MIS18BP1: variants seen among roughly 807,000 people sequenced by gnomAD.
MIS18BP1 encodes the protein mis18-binding protein 1.
Under a neutral mutation model 116.1 loss-of-function variants are expected in MIS18BP1, and 72 were observed. The ratio of observed to expected loss-of-function variants is 0.62; its 90% confidence interval spans 0.51 to 0.75. MIS18BP1 has a LOEUF of 0.75. MIS18BP1 is among the 30% of genes least tolerant of loss of function. The probability of loss-of-function intolerance (pLI) is 0.00; values close to 1 mark genes in which losing one functional copy is unlikely to be tolerated. For synonymous variants in MIS18BP1, 386 were observed against 427.0 expected (o/e 0.90, Z 1.18); for missense variants, 1,363 against 1,303.2 (o/e 1.05, Z -0.71).
At position 45,210,540 on chromosome 14, in the gene MIS18BP1, G is replaced by A. The variant is rs772452230; in HGVS notation, c.3004-12C>T. 3 of 1,613,412 alleles carry A rather than the reference G, an allele frequency of 1.9e-6. No homozygotes were observed. The highest frequency in any genetic ancestry group is 1.1e-5 in the South Asian group (1 of 90,998). On this transcript the variant is annotated splice_polypyrimidine_tract_variant and intron_variant, in intron 13 of 16. Transcript: ENST00000310806. ...TGGAAACTTGGCAACTAGAAAACAAGTATTTATTATCAGCAGGCACCCCAT... is the reference window on the plus strand; with the variant it reads ...TGGAAACTTGGCAACTAGAAAACAAATATTTATTATCAGCAGGCACCCCAT...
At chr14:45,233,590 A>G (rs1891346760) in intron 6 of MIS18BP1, among the ~76,000 whole-genome samples, 1 of 152,140 alleles carries the variant, frequency 6.6e-6, no homozygotes, top group Admixed American at 6.6e-5. Flanking sequence ...AATTATGAGG[A>G]AAGTCTGGAC....
chr14:45,205,624 AT>A lies in MIS18BP1; in HGVS notation c.3240+458del, dbSNP rs150547352. Among the ~76,000 whole-genome samples the A allele has an allele frequency of 4.4e-3, 669 of 152,330 alleles. 8 individuals carry two copies. Among genetic ancestry groups the A allele is most frequent in the African/African-American group, 0.015 (623 of 41,586 alleles). Reference sequence around the variant, plus strand: ...ATTTTAAATGTTAGAATGTAAAAAAATAAAAAGTAAAAAAATAAAATTAAGT... The same window carrying A: ...ATTTTAAATGTTAGAATGTAAAAAAAAAAAAGTAAAAAAATAAAATTAAGT... On this transcript the variant is annotated intron_variant, in intron 15 of 16. Coordinates refer to ENST00000310806, the MANE Select transcript of MIS18BP1 (RefSeq NM_018353.5).
At chr14:45,231,054 C>A in intron 8 of MIS18BP1, 87 bp downstream of exon 8, 1 of 1,390,178 alleles carries the variant, frequency 7.2e-7, no homozygotes, top group Non-Finnish European at 9.9e-7. Flanking sequence ...ATACACATTA[C>A]TACTATACAC....
intron 8 of MIS18BP1, among the ~76,000 whole-genome samples, chr14:45,228,743 C>A (rs1441143305): frequency 1.3e-5 from 2 of 152,102 alleles, no homozygotes; most frequent in Non-Finnish European, 2.9e-5. Context: ...ATGAAGGAAG[C>A]TTCTATTATG....
chr14:45,210,345 C>T, intron 14 of MIS18BP1, 35 bp downstream of exon 14: 2 of 1,598,764 alleles, frequency 1.3e-6, no homozygotes, highest in Non-Finnish European at 1.7e-6. Context: ...TACTCTGATG[C>T]AGAGAATTAA....
chr14:45,205,961 T>C, intron 15 of MIS18BP1, 122 bp downstream of exon 15: 1 of 600,392 alleles, frequency 1.7e-6, no homozygotes, highest in South Asian at 2.5e-5. Flanking sequence ...GCTTCATTAT[T>C]GTAACTTGTT....
intron 10 of MIS18BP1, among the ~76,000 whole-genome samples, chr14:45,225,386 A>AT (rs879808814): frequency 0.01 from 1,538 of 148,372 alleles, 26 homozygotes; most frequent in African/African-American, 0.034. Flanking sequence ...GTATGGTTTG[A>AT]TTTTTTTTTT....
intron 5 of MIS18BP1, 112 bp from the exon 6 acceptor site, chr14:45,236,056 T>C (rs1484931534): frequency 1.5e-5 from 15 of 991,270 alleles, no homozygotes; most frequent in Non-Finnish European, 2.2e-5. Flanking sequence ...TTAGTCTAAT[T>C]ACAAAATATT....
chr14:45,246,084 T>A (rs1256775649), intron 2 of MIS18BP1, among the ~76,000 whole-genome samples: 1 of 152,166 alleles, frequency 6.6e-6, no homozygotes, highest in African/African-American at 2.4e-5. Context: ...ACAGCCAGAG[T>A]GACATTTTAA....
Position 45,246,797 on chromosome 14 carries a change from A to G in MIS18BP1, c.490T>C (p.Cys164Arg), listed in dbSNP as rs1269008. 2,236 of 1,584,100 alleles carry G rather than the reference A, an allele frequency of 1.4e-3. 41 individuals carry two copies. The African/African-American group carries it at 0.026, about 18-fold the overall frequency. ...GATTTGTTGTTTTCCTTTTCTTCACATAGGTAGGTATGCTGCAATTTTTTT... is the reference window on the plus strand; with the variant it reads ...GATTTGTTGTTTTCCTTTTCTTCACGTAGGTAGGTATGCTGCAATTTTTTT... ...EKKKLQHTYL[C>R]EEKENNKSFQ... The change falls in exon 2 of 17, where the codon TGT becomes CGT. Residue 164 changes from cysteine (C) to arginine (R), a missense_variant. Cys to Arg is a radical substitution (Grantham distance 180, BLOSUM62 -3). Transcript: ENST00000310806.
At chr14:45,226,980 T>C (rs1467347667) in intron 9 of MIS18BP1, 144 bp from the exon 10 acceptor site, 2 of 584,402 alleles carry the variant, frequency 3.4e-6, no homozygotes, top group African/African-American at 1.9e-5. Flanking sequence ...ATTCCGAAAC[T>C]TACTTGCCAG....
rs1251624169 is a variant in MIS18BP1, at chr14:45,204,111, A to G, written c.3397T>C (p.Ter1133GlnextTer1). Residue 1133 changes from the stop codon to glutamine (Q), a stop_lost, in exon 17 of 17, where the codon TAG (stop) becomes CAG (glutamine). Coordinates refer to ENST00000310806, the MANE Select transcript of MIS18BP1 (RefSeq NM_018353.5). ...AGGAATCATATTTTCTCATTTTACT[A>G]TGCAGAATCAGAGTTCGAAAAATAA... ...DYYFSNSDSA[*>Q] 2 of 1,608,326 alleles carry G rather than the reference A, an allele frequency of 1.2e-6. No homozygotes were observed. The highest frequency in any genetic ancestry group is 2.7e-5 in the African/African-American group (2 of 74,578).
chr14:45,251,653 G>A (rs1296109526), intron 1 of MIS18BP1, among the ~76,000 whole-genome samples: 2 of 151,962 alleles, frequency 1.3e-5, no homozygotes, highest in African/African-American at 4.8e-5. Flanking sequence ...CAGCACATAT[G>A]ACAAAGGGCT....
In MIS18BP1 at chr14:45,247,203, T is replaced by C. The variant is rs535914828; in HGVS notation, c.84A>G (p.Ala28=). Residue 28 remains alanine, a synonymous_variant, in exon 2 of 17, where the codon GCA becomes GCG. Transcript: ENST00000310806. The part of the protein sequence containing the change: ...SSQRRNLPMD[A]IFFDSIPSGT... ...CTGAAGGAATGCTGTCAAAAAAGATTGCATCCATGGGTAGATTTCTCCTTT... is the reference window on the plus strand; with the variant it reads ...CTGAAGGAATGCTGTCAAAAAAGATCGCATCCATGGGTAGATTTCTCCTTT... 6.2e-7 allele frequency: 1 copy of C among 1,612,892 alleles called. No homozygotes were observed. The highest frequency in any genetic ancestry group is 1.1e-5 in the South Asian group (1 of 90,988).
At chr14:45,250,053 T>C (rs892801002) in intron 1 of MIS18BP1, 4 of 152,142 alleles carry the variant, frequency 2.6e-5, no homozygotes, top group African/African-American at 9.7e-5. Flanking sequence ...TGCAGAACTG[T>C]CTTCATTTAA....
intron 11 of MIS18BP1, among the ~76,000 whole-genome samples, chr14:45,219,130 A>C (rs1944416767): frequency 6.6e-6 from 1 of 152,220 alleles, no homozygotes; most frequent in Admixed American, 6.5e-5. Context: ...TTGACAATTT[A>C]GCCAGAAAAC....
In MIS18BP1 at chr14:45,224,014, A is replaced by G. The variant is rs550862459; in HGVS notation, c.2573T>C (p.Val858Ala). 2 of 1,613,806 alleles carry G rather than the reference A, an allele frequency of 1.2e-6. No individual in the cohort carries two copies. The highest frequency in any genetic ancestry group is 1.3e-5 in the African/African-American group (1 of 75,026). Residue 858 changes from valine (V) to alanine (A), a missense_variant, in exon 11 of 17, where the codon GTA (valine) becomes GCA (alanine). Val to Ala is a moderately conservative substitution (Grantham distance 64, BLOSUM62 0). Coordinates refer to ENST00000310806, the MANE Select transcript of MIS18BP1 (RefSeq NM_018353.5). ...VRKEFPITEAVGSDKTNRHPL... is the reference protein window; with the variant it reads ...VRKEFPITEAAGSDKTNRHPL... Reference sequence around the variant, plus strand: ...ATGCCTATTTGTCTTATCAGATCCTACTGCCTCAGTAATTGGAAACTCTTT... The same window carrying G: ...ATGCCTATTTGTCTTATCAGATCCTGCTGCCTCAGTAATTGGAAACTCTTT...
chr14:45,216,915 A>G, intron 13 of MIS18BP1, 104 bp downstream of exon 13: 1 of 1,225,956 alleles, frequency 8.2e-7, no homozygotes, highest in South Asian at 1.5e-5. Context: ...TACGGAGGCT[A>G]CTGATCCTTG....
intron 13 of MIS18BP1, among the ~76,000 whole-genome samples, chr14:45,214,758 T>C (rs1890769920): frequency 6.6e-6 from 1 of 152,194 alleles, no homozygotes; most frequent in Admixed American, 6.5e-5. Context: ...TCTTTACATT[T>C]TTATTTTTTT....
Sources: gnomAD v4.1 joint callset for allele counts (sites outside exome capture counted in the v4.1 genomes callset) on GRCh38, gnomAD v4.1.1 for gene constraint, MANE v1.5 for transcripts, NCBI Gene and HGNC (gene_info 2026-07-23, HGNC 2026-07-21) for gene names.